Variants in AKAP13 observed in about 807,000 individuals in gnomAD.
AKAP13 encodes the protein A-kinase anchoring protein 13.
In AKAP13, 80 loss-of-function variants were observed where a neutral mutation model predicts 264.5. The ratio of observed to expected loss-of-function variants is 0.30; its 90% CI spans 0.25 to 0.36. The LOEUF is 0.36. Among genes scored for constraint, AKAP13 ranks in the 10% least tolerant of loss-of-function variants. AKAP13 has a pLI of 1.00. For missense variants in AKAP13, 3,712 were observed against 3,435.2 expected (o/e 1.08, Z -2.01); for synonymous variants, 1,380 against 1,250.2 (o/e 1.10, Z -2.19).
chr15:85,431,935 C>T (rs950059837), intron 1 of AKAP13, among the ~76,000 whole-genome samples: 12 of 152,090 alleles, frequency 7.9e-5, no homozygotes, highest in South Asian at 2.1e-4. Context: ...GGTACAGTTA[C>T]GTACCCAAAT....
At chr15:85,732,740 C>T (rs560758299) in intron 30 of AKAP13, among the ~76,000 whole-genome samples, 90 of 149,788 alleles carry the variant, frequency 6.0e-4, no homozygotes, top group Non-Finnish European at 1.2e-3. Context: ...GTTAGTAATA[C>T]TAATAGTATT....
intron 1 of AKAP13, among the ~76,000 whole-genome samples, chr15:85,477,991 G>C (rs1230467210): frequency 6.6e-6 from 1 of 152,114 alleles, no homozygotes; most frequent in Non-Finnish European, 1.5e-5. Flanking sequence ...TTCTCCTCCT[G>C]TGTCCACTTG....
intron 5 of AKAP13, among the ~76,000 whole-genome samples, chr15:85,560,873 G>A (rs752893396): frequency 2.6e-5 from 4 of 152,060 alleles, no homozygotes; most frequent in Non-Finnish European, 5.9e-5. Flanking sequence ...AATGTGGCCA[G>A]TATTAACTCT....
intron 10 of AKAP13, among the ~76,000 whole-genome samples, chr15:85,646,220 A>G (rs1403004815): frequency 2.0e-5 from 3 of 152,156 alleles, no homozygotes; most frequent in Non-Finnish European, 4.4e-5. Context: ...CACGCCTGTA[A>G]TCCCAACACT....
intron 9 of AKAP13, among the ~76,000 whole-genome samples, chr15:85,642,785 A>G (rs911617573): frequency 1.3e-5 from 2 of 152,160 alleles, no homozygotes; most frequent in Non-Finnish European, 1.5e-5. Flanking sequence ...CCATTCGAAT[A>G]TCGTGAGCTA....
chr15:85,405,218 G>C (rs56078847), intron 1 of AKAP13, among the ~76,000 whole-genome samples: 6,439 of 152,244 alleles, frequency 0.042, 442 homozygotes, highest in African/African-American at 0.15. Context: ...CTTTGAATCT[G>C]TGTTCTGAAC....
intron 2 of AKAP13, among the ~76,000 whole-genome samples, chr15:85,488,336 T>C (rs2075625161): frequency 6.6e-6 from 1 of 152,250 alleles, no homozygotes; most frequent in Admixed American, 6.5e-5. Context: ...TTTGAAAGTA[T>C]TTTGAGGACT....
At chr15:85,620,199 C>T in intron 8 of AKAP13, 1 of 1,533,420 alleles carries the variant, frequency 6.5e-7, no homozygotes, top group Non-Finnish European at 8.7e-7. Flanking sequence ...CTCATGCATT[C>T]TGAAGCTCTG....
At chr15:85,670,719 G>C (rs374996395) in intron 14 of AKAP13, 2 of 151,924 alleles carry the variant, frequency 1.3e-5, no homozygotes, top group East Asian at 3.9e-4. Flanking sequence ...TTTCAACAAT[G>C]TCAAGCTCAA....
At chr15:85,453,328 G>A (rs556153478) in intron 1 of AKAP13, among the ~76,000 whole-genome samples, 59 of 151,790 alleles carry the variant, frequency 3.9e-4, no homozygotes, top group Admixed American at 3.3e-3. Context: ...TGCCCTGTGA[G>A]GAGATATGGG....
intron 15 of AKAP13, among the ~76,000 whole-genome samples, chr15:85,683,271 A>T (rs981325447): frequency 2.0e-5 from 3 of 152,204 alleles, no homozygotes; most frequent in African/African-American, 7.2e-5. Context: ...TGCATATATA[A>T]ATAAACTGAC....
chr15:85,406,669 CTACT>C (rs2071683587), intron 1 of AKAP13, among the ~76,000 whole-genome samples: 1 of 151,432 alleles, frequency 6.6e-6, no homozygotes, highest in Non-Finnish European at 1.5e-5. Flanking sequence ...TAGAAATAAA[CTACT>C]TATGTTATTT....
At chr15:85,613,715 A>T (rs10431829) in intron 8 of AKAP13, among the ~76,000 whole-genome samples, 2,155 of 76,864 alleles carry the variant, frequency 0.028, 173 homozygotes, top group East Asian at 0.19. Context: ...TATATATATT[A>T]GGAGTGCTGA....
chr15:85,415,469 A>G, intron 1 of AKAP13: 1 of 1,593,118 alleles, frequency 6.3e-7, no homozygotes, highest in Admixed American at 1.7e-5. Flanking sequence ...CTGATGGCAG[A>G]AAAACTCAGA....
chr15:85,645,936 C>T lies in AKAP13; in HGVS notation c.4356C>T (p.Asp1452=). 1 of 1,613,320 alleles carries T rather than the reference C, an allele frequency of 6.2e-7. No homozygotes were observed. The highest frequency in any genetic ancestry group is 2.2e-5 in the East Asian group (1 of 44,876). Residue 1452 remains aspartate, a synonymous_variant, in exon 10 of 37, where the codon GAC becomes GAT. Transcript: ENST00000394518. The stretch of plus-strand genomic sequence containing the variant: ...TTCACTCACCCAGTGATGACATGGA[C>T]AGCATCATCTTCCCAAAGGTACTGT... The part of the protein sequence containing the change: ...DLFHSPSDDM[D]SIIFPKPEEE...
At chr15:85,636,651 G>C (rs2082083475) in intron 8 of AKAP13, among the ~76,000 whole-genome samples, 1 of 145,430 alleles carries the variant, frequency 6.9e-6, no homozygotes, top group African/African-American at 2.6e-5. Context: ...TTCTTGCTTT[G>C]TTGTCCAGGC....
intron 1 of AKAP13, among the ~76,000 whole-genome samples, chr15:85,474,197 C>T (rs1297362553): frequency 3.3e-5 from 5 of 152,218 alleles, no homozygotes; most frequent in African/African-American, 4.8e-5. Context: ...CTAACATGTT[C>T]TCAGCTCTTC....
chr15:85,387,271 G>A (rs1023665550), intron 1 of AKAP13, among the ~76,000 whole-genome samples: 1 of 152,114 alleles, frequency 6.6e-6, no homozygotes, highest in Non-Finnish European at 1.5e-5. Context: ...GGGAGATGGA[G>A]GTTACAGTGA....
At position 85,747,569 on chromosome 15, in the gene AKAP13, T is replaced by C. The variant is rs1441205426; in HGVS notation, c.*2892T>C. On this transcript the variant is annotated 3_prime_UTR_variant, in exon 37 of 37. Coordinates refer to ENST00000394518, the MANE Select transcript of AKAP13 (RefSeq NM_007200.5). ...TCGAGTGAGCTTCCTGGAAGGAGAC[T>C]GCGTCTTCTCTCAATTCCAGTCATC... 1 of 152,646 alleles carries C rather than the reference T, an allele frequency of 6.6e-6. No individual in the cohort carries two copies. Among genetic ancestry groups the C allele is most frequent in the Non-Finnish European group, 1.5e-5 (1 of 68,042 alleles). The allele number at this position is 152,646 out of a possible 1,614,324, so 9.5% of individuals were successfully genotyped here. A position where few individuals can be genotyped will look rare whatever the true frequency, so the allele number is the denominator to read the frequency against.
Sources: gnomAD v4.1 joint callset for allele counts (sites outside exome capture counted in the v4.1 genomes callset) on GRCh38, gnomAD v4.1.1 for gene constraint, MANE v1.5 for transcripts, NCBI Gene and HGNC (gene_info 2026-07-23, HGNC 2026-07-21) for gene names.